Variants in PDE3A observed in about 807,000 individuals in gnomAD.
The protein encoded by PDE3A is phosphodiesterase 3A.
PDE3A carries 43 observed loss-of-function variants against 98.3 expected under a neutral mutation model. That is an observed-to-expected ratio of 0.44 (90% CI 0.34 to 0.56). The LOEUF is 0.56. PDE3A is among the 20% of genes least tolerant of loss of function. The pLI, the probability that PDE3A is intolerant of heterozygous loss-of-function variation, is 0.01. For synonymous variants in PDE3A, 663 were observed against 567.9 expected, an observed-to-expected ratio of 1.17 and a Z score of -2.38; for missense variants, 1,427 against 1,440.7, an observed-to-expected ratio of 0.99 and a Z score of 0.15.
chr12:20,667,592 C>A (rs546264433), intron 15 of PDE3A, among the ~76,000 whole-genome samples: 1 of 152,190 alleles, frequency 6.6e-6, no homozygotes, highest in South Asian at 2.1e-4. Flanking sequence ...TAAATACATG[C>A]ATTTATTTCT....
intron 12 of PDE3A, 103 bp downstream of exon 12, chr12:20,647,053 T>C: frequency 1.4e-6 from 1 of 732,278 alleles, no homozygotes; most frequent in Non-Finnish European, 2.4e-6. Context: ...TAAGCCAAAC[T>C]ATACATAGTC....
In PDE3A at chr12:20,621,151, A is replaced by G. The variant is rs11045336; in HGVS notation, c.1425-145A>G. Reference sequence around the variant, plus strand: ...AATCTGTTTCATCATTTGGAAGTACAGTGGTTCTGTCACTGAACCTGAACC... The same window carrying G: ...AATCTGTTTCATCATTTGGAAGTACGGTGGTTCTGTCACTGAACCTGAACC... On this transcript the variant is annotated intron_variant, in intron 4 of 15. Transcript: ENST00000359062. 66,474 of 612,014 alleles carry G rather than the reference A, an allele frequency of 0.11. 4,167 individuals carry two copies. Among genetic ancestry groups the G allele is most frequent in the East Asian group, 0.23 (8,430 of 36,196 alleles). 37.9% of individuals were successfully genotyped at this position (612,014 alleles called of 1,614,324 possible).
rs1161500226 is a variant in PDE3A at position 20,487,646 on chromosome 12, C to G, written c.961-69014C>G. Reference sequence around the variant, plus strand: ...CCAGCCTGGGCAACAGAGAGAGACTCAGGCTTAAGAAAAAAAAATAAATAA... The same window carrying G: ...CCAGCCTGGGCAACAGAGAGAGACTGAGGCTTAAGAAAAAAAAATAAATAA... On this transcript the variant is annotated intron_variant, in intron 1 of 15. Coordinates refer to ENST00000359062, the MANE Select transcript of PDE3A (RefSeq NM_000921.5). Among the ~76,000 whole-genome samples, 6 of 133,264 alleles carry G rather than the reference C, an allele frequency of 4.5e-5. No homozygotes were observed. The East Asian group carries it at 1.3e-3, about 30-fold the overall frequency. The allele number at this position is 133,264 out of a possible 152,430, so 87.4% of individuals were successfully genotyped here. A position where few individuals can be genotyped will look rare whatever the true frequency, so the allele number is the denominator to read the frequency against.
At chr12:20,378,562 T>TA (rs969828716) in intron 1 of PDE3A, among the ~76,000 whole-genome samples, 1 of 151,716 alleles carries the variant, frequency 6.6e-6, no homozygotes, top group Admixed American at 6.6e-5. Context: ...CTAGAAATTC[T>TA]AAAAAGATCA....
intron 1 of PDE3A, among the ~76,000 whole-genome samples, chr12:20,467,933 CAAAAAAAAAAAAAAAAAAAAAAAAAAA>C (rs60320142): frequency 0.016 from 578 of 35,678 alleles, 4 homozygotes; most frequent in African/African-American, 0.051. Flanking sequence ...GACTCCTTCT[CAAAAAAAAAAAAAAAAAAAAAAAAAAA>C]AAAAAAAAAA....
intron 2 of PDE3A, among the ~76,000 whole-genome samples, chr12:20,608,970 C>A (rs564254221): frequency 2.2e-4 from 33 of 152,060 alleles, no homozygotes; most frequent in African/African-American, 6.7e-4. Context: ...ATTAGAACAA[C>A]ATGGCTAAAA....
At chr12:20,547,811 A>G (rs1229044942) in intron 1 of PDE3A, among the ~76,000 whole-genome samples, 2 of 152,148 alleles carry the variant, frequency 1.3e-5, no homozygotes, top group Non-Finnish European at 2.9e-5. Flanking sequence ...GGAGAAAAAC[A>G]TATAAACATG....
Position 20,514,832 on chromosome 12 carries a change from A to T in PDE3A, c.961-41828A>T, listed in dbSNP as rs1238476083. Among the ~76,000 whole-genome samples, 7 of 152,342 alleles carry T rather than the reference A, an allele frequency of 4.6e-5. No individual in the cohort carries two copies. In the East Asian group the frequency reaches 1.3e-3, roughly 29 times the overall value. ...TGACTTTGGCATGTGACCTAACCCA[A>T]GTTTATGTAAAATGGTTTCAATAAC... On this transcript the variant is annotated intron_variant, in intron 1 of 15. Coordinates refer to ENST00000359062, the MANE Select transcript of PDE3A (RefSeq NM_000921.5).
At chr12:20,448,382 T>C (rs1944997854) in intron 1 of PDE3A, among the ~76,000 whole-genome samples, 1 of 152,112 alleles carries the variant, frequency 6.6e-6, no homozygotes, top group South Asian at 2.1e-4. Context: ...CGGCAGTTGC[T>C]GTGAGCCGAG....
intron 2 of PDE3A, among the ~76,000 whole-genome samples, chr12:20,581,063 C>A (rs1046150548): frequency 2.6e-5 from 4 of 152,104 alleles, no homozygotes; most frequent in Non-Finnish European, 5.9e-5. Flanking sequence ...ACCTTTCTTA[C>A]AATGAACTAA....
intron 15 of PDE3A, among the ~76,000 whole-genome samples, chr12:20,673,770 G>A (rs1230167777): frequency 1.7e-3 from 248 of 149,764 alleles, no homozygotes; most frequent in Non-Finnish European, 2.8e-3. Context: ...AGTGGGTGCA[G>A]TGCACCAGCA....
intron 1 of PDE3A, among the ~76,000 whole-genome samples, chr12:20,376,963 C>T (rs1478853974): frequency 6.6e-6 from 1 of 151,780 alleles, no homozygotes; most frequent in African/African-American, 2.4e-5. Context: ...TCAAGTATAG[C>T]CAGTCCTGCT....
At chr12:20,636,437 C>T (rs1944516063) in intron 8 of PDE3A, among the ~76,000 whole-genome samples, 2 of 152,058 alleles carry the variant, frequency 1.3e-5, no homozygotes, top group Non-Finnish European at 2.9e-5. Flanking sequence ...TCTTTTTTGG[C>T]AAATGTACTC....
chr12:20,472,740 C>A (rs558001603), intron 1 of PDE3A, among the ~76,000 whole-genome samples: 2 of 152,062 alleles, frequency 1.3e-5, no homozygotes, highest in East Asian at 1.9e-4. Flanking sequence ...GAATGTGTAA[C>A]TTTTAATCTC....
chr12:20,407,226 A>G (rs565895513), intron 1 of PDE3A, among the ~76,000 whole-genome samples: 2 of 152,300 alleles, frequency 1.3e-5, no homozygotes, highest in African/African-American at 2.4e-5. Flanking sequence ...AATATTTCCT[A>G]TCTCCAAATG....
At chr12:20,518,167 G>A (rs1946356787) in intron 1 of PDE3A, among the ~76,000 whole-genome samples, 1 of 152,176 alleles carries the variant, frequency 6.6e-6, no homozygotes, top group African/African-American at 2.4e-5. Context: ...AATTGCTCCA[G>A]TGCTTCAGAA....
intron 2 of PDE3A, among the ~76,000 whole-genome samples, chr12:20,606,791 G>C (rs568398743): frequency 6.7e-6 from 1 of 149,748 alleles, no homozygotes; most frequent in African/African-American, 2.5e-5. Context: ...CTGGGAGGTG[G>C]AGGTTGCAGT....
intron 2 of PDE3A, among the ~76,000 whole-genome samples, chr12:20,602,470 G>A (rs750659030): frequency 1.3e-5 from 2 of 152,168 alleles, no homozygotes; most frequent in African/African-American, 2.4e-5. Context: ...TTTTTGACTT[G>A]TTTGCTGATA....
chr12:20,478,218 T>C (rs930112877), intron 1 of PDE3A, among the ~76,000 whole-genome samples: 9 of 152,122 alleles, frequency 5.9e-5, no homozygotes, highest in African/African-American at 2.2e-4. Flanking sequence ...GCTTGTCCCA[T>C]GTAGGGGAGT....
Sources: allele counts gnomAD v4.1 joint callset (sites outside exome capture counted in the v4.1 genomes callset), GRCh38; gene constraint gnomAD v4.1.1; transcripts MANE v1.5; gene names NCBI Gene and HGNC (gene_info 2026-07-23, HGNC 2026-07-21).